The following NEBL variants were observed in gnomAD, a reference collection of about 807,000 sequenced individuals.
The protein encoded by NEBL is nebulette, also known as LIM and SH3 protein 2.
Under a neutral mutation model 140.2 loss-of-function variants are expected in NEBL, and 122 were observed. The observed-to-expected ratio is 0.87, with a 90% CI of 0.75 to 1.01. The LOEUF is 1.01. Among genes scored for constraint, NEBL ranks in the 50% least tolerant of loss-of-function variants. NEBL has a pLI of 0.00. For missense variants in NEBL, 1,365 were observed against 1,231.3 expected, an observed-to-expected ratio of 1.11 and a Z score of -1.62; for synonymous variants, 436 against 398.9, an observed-to-expected ratio of 1.09 and a Z score of -1.11.
intron 4 of NEBL, among the ~76,000 whole-genome samples, chr10:20,937,114 A>C (rs1307251285): frequency 6.6e-6 from 1 of 152,152 alleles, no homozygotes; most frequent in East Asian, 1.9e-4. Context: ...GCCCTACATG[A>C]GGGCACACAG....
chr10:21,184,459 T>A lies in NEBL; in HGVS notation n.349-11982A>T, dbSNP rs1159703339. Among the ~76,000 whole-genome samples the A allele has an allele frequency of 2.0e-5, 3 of 152,274 alleles. No homozygotes were observed. In the Middle Eastern group the frequency reaches 0.01, roughly 518 times the overall value. On this transcript the variant is annotated intron_variant and non_coding_transcript_variant, in intron 3 of 8. Coordinates refer to the NEBL transcript ENST00000675702. ...TTGTACAAAAGTGCACGGTACACAA[T>A]GTGCTCATCAGCAGTAGACATCAGA...
intron 2 of NEBL, among the ~76,000 whole-genome samples, chr10:21,052,666 A>G (rs1428059216): frequency 6.6e-6 from 1 of 152,236 alleles, no homozygotes; most frequent in African/African-American, 2.4e-5. Context: ...TTGAAAGAGC[A>G]TGGATAATCC....
chr10:21,146,588 C>T, intron 2 of NEBL: 1 of 1,081,874 alleles, frequency 9.2e-7, no homozygotes, highest in South Asian at 1.5e-5. Flanking sequence ...ATCTTAATTA[C>T]AGAAGCTCTT....
intron 4 of NEBL, among the ~76,000 whole-genome samples, chr10:20,908,909 T>C (rs1848212235): frequency 6.6e-6 from 1 of 152,246 alleles, no homozygotes; most frequent in Non-Finnish European, 1.5e-5. Flanking sequence ...GTACTCATTC[T>C]AAATGGTAAG....
At chr10:21,185,252 C>T (rs1346961271) in intron 3 of NEBL, among the ~76,000 whole-genome samples, 1 of 152,170 alleles carries the variant, frequency 6.6e-6, no homozygotes, top group African/African-American at 2.4e-5. Flanking sequence ...AGCCCTTGTT[C>T]TGGCTCCTTA....
intron 26 of NEBL, among the ~76,000 whole-genome samples, chr10:20,807,553 T>C (rs1438035128): frequency 6.6e-6 from 1 of 152,240 alleles, no homozygotes; most frequent in East Asian, 1.9e-4. Context: ...AGTGTTTCAC[T>C]GTAATGAGTG....
chr10:21,061,224 G>A (rs4747431), intron 2 of NEBL, among the ~76,000 whole-genome samples: 59,535 of 145,534 alleles, frequency 0.41, 12,102 homozygotes, highest in Middle Eastern at 0.48. Context: ...GAGAGATGTG[G>A]CATTATATAT....
chr10:20,983,271 G>C (rs16921338), intron 3 of NEBL, among the ~76,000 whole-genome samples: 5,026 of 152,254 alleles, frequency 0.033, 269 homozygotes, highest in African/African-American at 0.11. Context: ...AACCATGAAA[G>C]ATAGAACAAT....
intron 3 of NEBL, among the ~76,000 whole-genome samples, chr10:21,005,916 A>G (rs1838119618): frequency 6.6e-6 from 1 of 151,008 alleles, no homozygotes; most frequent in African/African-American, 2.4e-5. Flanking sequence ...AACCAATGTT[A>G]GTAACCTGGA....
At chr10:21,268,720 TCAC>T (rs1231302235) in intron 1 of NEBL, among the ~76,000 whole-genome samples, 2 of 151,912 alleles carry the variant, frequency 1.3e-5, no homozygotes, top group Non-Finnish European at 2.9e-5. Flanking sequence ...AGACAGAGTT[TCAC>T]CATGTTGGCC....
In NEBL at chr10:21,164,528, G is replaced by C. The variant is rs11012552; in HGVS notation, c.164+7855C>G. Among the ~76,000 whole-genome samples, 4 of 152,200 alleles carry C rather than the reference G, an allele frequency of 2.6e-5. No homozygotes were observed. In the South Asian group the frequency reaches 8.3e-4, roughly 32 times the overall value. ...TTGCATTTCACCATGATTGAGGAGA[G>C]ATCTGCTGAGCTTCATCTCAAAATC... On this transcript the variant is annotated intron_variant, in intron 2 of 6. Transcript: ENST00000417816.
chr10:20,910,577 A>G (rs1442877433), intron 4 of NEBL, among the ~76,000 whole-genome samples: 1 of 152,162 alleles, frequency 6.6e-6, no homozygotes, highest in African/African-American at 2.4e-5. Flanking sequence ...AAAAGGAGCA[A>G]GCATTGGAAG....
chr10:21,168,385 CT>C (rs1840884775), intron 2 of NEBL, among the ~76,000 whole-genome samples: 1 of 151,948 alleles, frequency 6.6e-6, no homozygotes, highest in South Asian at 2.1e-4. Flanking sequence ...TACTTAAGCC[CT>C]TTTCTTGAAA....
upstream of NEBL, chr10:20,899,521 T>C (rs1974057): frequency 2.8e-3 from 2,327 of 828,786 alleles, 39 homozygotes; most frequent in African/African-American, 0.037. Context: ...CCACGTGCAA[T>C]GTGAACACAA....
chr10:21,182,575 A>T (rs1841404656), intron 3 of NEBL, among the ~76,000 whole-genome samples: 1 of 152,230 alleles, frequency 6.6e-6, no homozygotes, highest in Admixed American at 6.5e-5. Context: ...AAAAGTAAAT[A>T]AAAAGAAGAA....
At chr10:20,837,516 A>C (rs1841015375) in intron 13 of NEBL, among the ~76,000 whole-genome samples, 1 of 152,216 alleles carries the variant, frequency 6.6e-6, no homozygotes, top group Non-Finnish European at 1.5e-5. Flanking sequence ...CATCTCCATC[A>C]TATGAAAGTG....
chr10:21,279,589 A>G (rs1842967041), intron 1 of NEBL, among the ~76,000 whole-genome samples: 1 of 151,956 alleles, frequency 6.6e-6, no homozygotes, highest in Non-Finnish European at 1.5e-5. Context: ...CAACATGGCA[A>G]AACCTAAAAA....
intron 2 of NEBL, among the ~76,000 whole-genome samples, chr10:21,139,555 T>C (rs764473434): frequency 5.3e-5 from 8 of 152,186 alleles, no homozygotes; most frequent in Non-Finnish European, 1.2e-4. Context: ...CCTCATGTTG[T>C]CATAGCAATG....
intron 3 of NEBL, among the ~76,000 whole-genome samples, chr10:21,200,780 T>G (rs953096195): frequency 6.6e-6 from 1 of 152,144 alleles, no homozygotes; most frequent in African/African-American, 2.4e-5. Context: ...ATTTTGAATT[T>G]TGGTGACCTA....
Sources: allele counts gnomAD v4.1 joint callset (sites outside exome capture counted in the v4.1 genomes callset), GRCh38; gene constraint gnomAD v4.1.1; transcripts MANE v1.5; gene names NCBI Gene and HGNC (gene_info 2026-07-23, HGNC 2026-07-21).